GLRA3: variants seen among roughly 807,000 people sequenced by gnomAD.
The protein encoded by GLRA3 is glycine receptor alpha 3.
GLRA3 carries 44 observed loss-of-function variants against 60.4 expected under a neutral mutation model. That is an observed-to-expected ratio of 0.73 (90% CI 0.57 to 0.94). GLRA3 has a LOEUF of 0.94. Ranked by LOEUF, GLRA3 falls within the 40% of genes least tolerant of loss-of-function variation. The pLI is 0.00. For synonymous variants in GLRA3, 223 were observed against 192.9 expected (o/e 1.16, Z -1.29); for missense variants, 508 against 564.6 (o/e 0.90, Z 1.02).
chr4:174,697,825 T>C (rs1488073977), intron 5 of GLRA3, among the ~76,000 whole-genome samples: 1 of 152,220 alleles, frequency 6.6e-6, no homozygotes, highest in African/African-American at 2.4e-5. Context: ...ACACAAAGTT[T>C]AAAGTTTTTG....
At chr4:174,778,495 G>C (rs1738701866) in intron 2 of GLRA3, among the ~76,000 whole-genome samples, 1 of 152,164 alleles carries the variant, frequency 6.6e-6, no homozygotes, top group Non-Finnish European at 1.5e-5. Context: ...AATAGGAACA[G>C]CTCCTGTCTA....
intron 4 of GLRA3, among the ~76,000 whole-genome samples, chr4:174,719,397 A>G (rs189760575): frequency 7.7e-4 from 117 of 152,328 alleles, no homozygotes; most frequent in Non-Finnish European, 8.8e-5. Context: ...TTGCATGCAC[A>G]TATCAGTTAT....
chr4:174,673,068 C>A (rs1733972877), intron 7 of GLRA3, among the ~76,000 whole-genome samples: 1 of 151,898 alleles, frequency 6.6e-6, no homozygotes, highest in Non-Finnish European at 1.5e-5. Flanking sequence ...AAACACACAA[C>A]AGACCTGGTC....
intron 5 of GLRA3, among the ~76,000 whole-genome samples, chr4:174,704,598 A>T (rs904292425): frequency 6.9e-6 from 1 of 143,948 alleles, no homozygotes; most frequent in Non-Finnish European, 1.5e-5. Context: ...CTCTGGATAT[A>T]TGTCCAAAAG....
Position 174,642,381 on chromosome 4 carries a change from C to T in GLRA3, c.*1405G>A. 1.0e-6 allele frequency: 1 copy of T among 969,288 alleles called. No individual in the cohort carries two copies. The highest frequency in any genetic ancestry group is 1.8e-5 in the African/African-American group (1 of 56,884). 60.0% of individuals were successfully genotyped at this position (969,288 alleles called of 1,614,324 possible). On this transcript the variant is annotated 3_prime_UTR_variant, in exon 10 of 10. Transcript: ENST00000274093. Reference sequence around the variant, plus strand: ...AATAATTTGGTGGACTGAGTTTGTGCATCTGACCAATAATTAAAATACCTA... The same window carrying T: ...AATAATTTGGTGGACTGAGTTTGTGTATCTGACCAATAATTAAAATACCTA...
chr4:174,742,561 A>G (rs905213440), intron 3 of GLRA3, among the ~76,000 whole-genome samples: 1 of 152,188 alleles, frequency 6.6e-6, no homozygotes, highest in Non-Finnish European at 1.5e-5. Flanking sequence ...AAATTTAAGG[A>G]GGAAAAATCT....
chr4:174,639,233 T>C lies in GLRA3; in HGVS notation c.*4553A>G, dbSNP rs1364567018. 6.6e-6 allele frequency: 1 copy of C among 152,200 alleles called. No individual in the cohort carries two copies. Among genetic ancestry groups the C allele is most frequent in the Non-Finnish European group, 1.5e-5 (1 of 68,018 alleles). 9.4% of individuals were successfully genotyped at this position (152,200 alleles called of 1,614,324 possible). On this transcript the variant is annotated 3_prime_UTR_variant, in exon 10 of 10. Transcript: ENST00000274093. ...ATGATTAAGAGCTGGCCAAATCGAA[T>C]GACTGCATGGTTCATATTTTCCACC...
intron 5 of GLRA3, among the ~76,000 whole-genome samples, chr4:174,689,339 T>C (rs770726405): frequency 2.0e-5 from 3 of 152,180 alleles, no homozygotes; most frequent in South Asian, 4.1e-4. Flanking sequence ...AAATGGACCA[T>C]AGCAATATGA....
chr4:174,734,916 T>C (rs1011979648), intron 3 of GLRA3, among the ~76,000 whole-genome samples: 3 of 152,194 alleles, frequency 2.0e-5, no homozygotes, highest in African/African-American at 7.2e-5. Flanking sequence ...CTCATTCAGT[T>C]TGTGGGCACC....
intron 2 of GLRA3, among the ~76,000 whole-genome samples, chr4:174,778,876 C>CGGCAGTA (rs1008865954): frequency 1.2e-4 from 18 of 152,172 alleles, no homozygotes; most frequent in Non-Finnish European, 2.6e-4. Flanking sequence ...AACTGCAAGG[C>CGGCAGTA]GGCAGTGAGG....
intron 5 of GLRA3, among the ~76,000 whole-genome samples, chr4:174,708,385 G>C (rs1735589280): frequency 6.6e-6 from 1 of 151,606 alleles, no homozygotes; most frequent in African/African-American, 2.4e-5. Flanking sequence ...CCCCATTAAA[G>C]TGTATTCTAT....
intron 3 of GLRA3, among the ~76,000 whole-genome samples, chr4:174,761,346 T>A (rs1472715668): frequency 6.6e-6 from 1 of 152,148 alleles, no homozygotes; most frequent in Non-Finnish European, 1.5e-5. Context: ...TATAAGTGCT[T>A]ACTGTTGCAA....
chr4:174,669,014 C>A (rs1278854596), intron 7 of GLRA3, among the ~76,000 whole-genome samples: 4 of 151,970 alleles, frequency 2.6e-5, no homozygotes, highest in African/African-American at 9.7e-5. Flanking sequence ...TTGAAGCCTA[C>A]AGATAACTGC....
chr4:174,726,804 C>A (rs947763983), intron 4 of GLRA3, among the ~76,000 whole-genome samples: 1 of 150,490 alleles, frequency 6.6e-6, no homozygotes, highest in Non-Finnish European at 1.5e-5. Flanking sequence ...CCATCTTCCC[C>A]GAAGTGAGAT....
At chr4:174,795,530 T>C (rs907322730) in intron 1 of GLRA3, among the ~76,000 whole-genome samples, 4 of 152,262 alleles carry the variant, frequency 2.6e-5, no homozygotes, top group African/African-American at 9.6e-5. Context: ...TAAGAGGTGA[T>C]AAACTGTTTT....
intron 1 of GLRA3, among the ~76,000 whole-genome samples, chr4:174,818,551 CTT>C (rs1214832163): frequency 6.6e-6 from 1 of 152,132 alleles, no homozygotes; most frequent in Non-Finnish European, 1.5e-5. Context: ...GAGTCAATGA[CTT>C]TGATGATTCT....
At chr4:174,758,711 A>G (rs1737824142) in intron 3 of GLRA3, among the ~76,000 whole-genome samples, 1 of 152,188 alleles carries the variant, frequency 6.6e-6, no homozygotes, top group Non-Finnish European at 1.5e-5. Flanking sequence ...GTAATAATAG[A>G]GGAAACTGGG....
At chr4:174,737,920 A>G (rs1397323154) in intron 3 of GLRA3, among the ~76,000 whole-genome samples, 1 of 152,192 alleles carries the variant, frequency 6.6e-6, no homozygotes, top group East Asian at 1.9e-4. Flanking sequence ...GAGGACTTTT[A>G]TGGCATACAA....
At chr4:174,803,963 C>T (rs1422602165) in intron 1 of GLRA3, among the ~76,000 whole-genome samples, 1 of 152,152 alleles carries the variant, frequency 6.6e-6, no homozygotes, top group African/African-American at 2.4e-5. Flanking sequence ...GACTTGTCTA[C>T]TAGTTTTCCT....
Sources: allele counts gnomAD v4.1 joint callset (sites outside exome capture counted in the v4.1 genomes callset), GRCh38; gene constraint gnomAD v4.1.1; transcripts MANE v1.5; gene names NCBI Gene and HGNC (gene_info 2026-07-23, HGNC 2026-07-21).